Variants in ZNF98 observed in about 807,000 individuals in gnomAD.
ZNF98 encodes the protein zinc finger protein 98, also known as zinc finger protein 739.
A neutral mutation model predicts 12.8 loss-of-function variants in ZNF98; 8 were observed. The ratio of observed to expected loss-of-function variants is 0.63; its 90% CI spans 0.37 to 1.13. The LOEUF (loss-of-function observed/expected upper bound fraction) is 1.13. Among genes scored for constraint, ZNF98 ranks in the 50% most tolerant of loss-of-function variants. The pLI, the probability that ZNF98 is intolerant of heterozygous loss-of-function variation, is 0.01. For missense variants in ZNF98, 379 were observed against 666.1 expected, an observed-to-expected ratio of 0.57 and a Z score of 4.74; for synonymous variants, 112 against 223.5, an observed-to-expected ratio of 0.50 and a Z score of 4.45.
At chr19:22,403,281 AAAC>A (rs1599386444) in intron 2 of ZNF98, 102 bp downstream of exon 2, 1 of 1,357,008 alleles carries the variant, frequency 7.4e-7, no homozygotes, top group Non-Finnish European at 1.0e-6. Context: ...CAAAAAAAAA[AAAC>A]AGAGATCTGA....
intron 1 of ZNF98, among the ~76,000 whole-genome samples, chr19:22,404,802 AT>A (rs920942681): frequency 4.0e-5 from 6 of 151,534 alleles, no homozygotes; most frequent in East Asian, 1.9e-4. Flanking sequence ...TCTCCTAATA[AT>A]TTTTTTTTCA....
chr19:22,421,558 C>G (rs1969704070), intron 1 of ZNF98, among the ~76,000 whole-genome samples: 1 of 152,058 alleles, frequency 6.6e-6, no homozygotes, highest in Admixed American at 6.6e-5. Flanking sequence ...GATAAACTGC[C>G]AAGTAAGTTC....
chr19:22,406,679 T>C (rs938250600), intron 1 of ZNF98, among the ~76,000 whole-genome samples: 67 of 152,020 alleles, frequency 4.4e-4, no homozygotes, highest in African/African-American at 1.6e-3. Context: ...TAGCCGGGCA[T>C]GGTAGTCCGC....
At chr19:22,410,551 G>A (rs1969570041) in intron 1 of ZNF98, among the ~76,000 whole-genome samples, 1 of 152,134 alleles carries the variant, frequency 6.6e-6, no homozygotes, top group Non-Finnish European at 1.5e-5. Context: ...GTTGAACAAT[G>A]AGAACACATG....
At chr19:22,401,701 T>C (rs1458098044) in intron 3 of ZNF98, among the ~76,000 whole-genome samples, 1 of 149,736 alleles carries the variant, frequency 6.7e-6, no homozygotes, top group Non-Finnish European at 1.5e-5. Flanking sequence ...GCCAGGCTGG[T>C]CTCAAACTCC....
intron 1 of ZNF98, among the ~76,000 whole-genome samples, chr19:22,408,052 G>A (rs1372091836): frequency 1.3e-5 from 2 of 152,196 alleles, no homozygotes; most frequent in East Asian, 1.9e-4. Flanking sequence ...CAACAAGTGC[G>A]AAACTCTGTC....
chr19:22,405,914 G>A (rs1969513905), intron 1 of ZNF98, among the ~76,000 whole-genome samples: 1 of 152,074 alleles, frequency 6.6e-6, no homozygotes, highest in South Asian at 2.1e-4. Context: ...ATTTTGTGGG[G>A]CCACCCTGCA....
rs762912368 is a variant in ZNF98, at chr19:22,392,887, T to A, written c.348A>T (p.Gly116=). 1.7e-5 allele frequency: 28 copies of A among 1,607,612 alleles called. No individual in the cohort carries two copies. In the Admixed American group the frequency reaches 4.6e-4, roughly 26 times the overall value. ...ATTTTCTTAACTGTAAATTTTCACG[T>A]CCACATTTTTTATATGTTCTCAGTA... The part of the protein sequence containing the change: ...KVILRTYKKC[G]RENLQLRKYC... Residue 116 remains glycine, a synonymous_variant, in exon 4 of 4, where the codon GGA becomes GGT. Transcript: ENST00000357774.
intron 3 of ZNF98, among the ~76,000 whole-genome samples, chr19:22,397,271 A>G (rs1969407827): frequency 6.6e-6 from 1 of 151,754 alleles, no homozygotes; most frequent in Non-Finnish European, 1.5e-5. Flanking sequence ...TAAAGCAAAC[A>G]TTGACAGAAT....
rs1183904942 is a variant in ZNF98 at position 22,403,274 on chromosome 19, A to C, written c.157+112T>G. On this transcript the variant is annotated intron_variant, in intron 2 of 3. Coordinates refer to ENST00000357774, the MANE Select transcript of ZNF98 (RefSeq NM_001098626.2). Reference sequence around the variant, plus strand: ...TCTTGAAGTTAAAAAAAAAAAACAAAAAAAAAAAACAGAGATCTGAAAGCA... The same window carrying C: ...TCTTGAAGTTAAAAAAAAAAAACAACAAAAAAAAACAGAGATCTGAAAGCA... The C allele has an allele frequency of 4.1e-4, 538 of 1,301,344 alleles. 2 individuals carry two copies. The highest frequency in any genetic ancestry group is 5.9e-4 in the Middle Eastern group (3 of 5,124). The allele number at this position is 1,301,344 out of a possible 1,614,324, so 80.6% of individuals were successfully genotyped here.
At chr19:22,394,964 G>A (rs1159981982) in intron 3 of ZNF98, among the ~76,000 whole-genome samples, 1 of 151,914 alleles carries the variant, frequency 6.6e-6, no homozygotes, top group African/African-American at 2.4e-5. Flanking sequence ...CTGAGGTCCG[G>A]AGTTTGAGAC....
At chr19:22,421,867 C>A (rs1969707942) in intron 1 of ZNF98, among the ~76,000 whole-genome samples, 1 of 152,292 alleles carries the variant, frequency 6.6e-6, no homozygotes, top group African/African-American at 2.4e-5. Flanking sequence ...ACCCCCAGCA[C>A]CCCGAGTCAG....
At chr19:22,411,231 C>T (rs1969577216) in intron 1 of ZNF98, among the ~76,000 whole-genome samples, 1 of 126,964 alleles carries the variant, frequency 7.9e-6, no homozygotes, top group Admixed American at 8.3e-5. Flanking sequence ...GAGCCAGGAT[C>T]TCACCATGTT....
intron 3 of ZNF98, among the ~76,000 whole-genome samples, chr19:22,397,341 G>A (rs935941090): frequency 2.8e-4 from 42 of 151,992 alleles, no homozygotes; most frequent in Middle Eastern, 3.4e-3. Context: ...TGCACTTGCC[G>A]TAATAAAAAT....
intron 3 of ZNF98, among the ~76,000 whole-genome samples, chr19:22,400,701 TCCC>T (rs1393501029): frequency 6.6e-6 from 1 of 152,104 alleles, no homozygotes; most frequent in Non-Finnish European, 1.5e-5. Context: ...ACGCCTGTAA[TCCC>T]AGAACTTTGG....
chr19:22,413,040 G>A (rs1463125708), intron 1 of ZNF98, among the ~76,000 whole-genome samples: 1 of 151,582 alleles, frequency 6.6e-6, no homozygotes, highest in Non-Finnish European at 1.5e-5. Flanking sequence ...GTGACAGAGC[G>A]AGACTCCGTC....
intron 3 of ZNF98, among the ~76,000 whole-genome samples, chr19:22,393,672 A>G (rs1180757079): frequency 4.6e-5 from 7 of 152,192 alleles, no homozygotes; most frequent in Non-Finnish European, 1.5e-5. Flanking sequence ...TACACCTTAT[A>G]CAAAAATTAA....
chr19:22,409,758 A>G (rs1292549013), intron 1 of ZNF98, among the ~76,000 whole-genome samples: 1 of 151,892 alleles, frequency 6.6e-6, no homozygotes. Context: ...CTAAAAATAC[A>G]ATAATTAGCT....
intron 1 of ZNF98, among the ~76,000 whole-genome samples, chr19:22,415,908 C>A: frequency 7.1e-6 from 1 of 141,274 alleles, no homozygotes; most frequent in African/African-American, 2.6e-5. Context: ...GCTTGACCAA[C>A]ATGGTGAAAC....
Sources: allele counts gnomAD v4.1 joint callset (sites outside exome capture counted in the v4.1 genomes callset), GRCh38; gene constraint gnomAD v4.1.1; transcripts MANE v1.5; gene names NCBI Gene and HGNC (gene_info 2026-07-23, HGNC 2026-07-21).